Variants in GALNT13 observed in about 807,000 individuals in gnomAD.
The protein encoded by GALNT13 is polypeptide N-acetylgalactosaminyltransferase 13, also known as UDP-GalNAc:polypeptide N-acetylgalactosaminyltransferase 13.
Under a neutral mutation model 64.2 loss-of-function variants are expected in GALNT13, and 28 were observed. The ratio of observed to expected loss-of-function variants is 0.44; its 90% confidence interval spans 0.32 to 0.60. GALNT13 has a LOEUF of 0.60. Ranked by LOEUF, GALNT13 falls within the 20% of genes least tolerant of loss-of-function variation. GALNT13 has a pLI of 0.05. For synonymous variants in GALNT13, 214 were observed against 224.6 expected (o/e 0.95, Z 0.42); for missense variants, 577 against 669.8 (o/e 0.86, Z 1.53).
chr2:154,127,110 G>A (rs936938109), intron 3 of GALNT13, among the ~76,000 whole-genome samples: 1 of 152,064 alleles, frequency 6.6e-6, no homozygotes, highest in Non-Finnish European at 1.5e-5. Context: ...TTAGTTTAGT[G>A]ATGCAAGGAG....
chr2:154,152,959 T>G (rs1003899712), intron 4 of GALNT13, among the ~76,000 whole-genome samples: 4 of 152,232 alleles, frequency 2.6e-5, no homozygotes, highest in African/African-American at 9.6e-5. Context: ...TCCAGCTTTG[T>G]TCCATTGCTG....
the GALNT13 span, among the ~76,000 whole-genome samples, chr2:153,472,013 C>T: frequency 1.1e-4 from 17 of 152,144 alleles, no homozygotes; most frequent in African/African-American, 2.7e-4. Context: ...AGAATATGTG[C>T]GCATGCATCT....
At chr2:153,403,800 G>A in the GALNT13 span, among the ~76,000 whole-genome samples, 6 of 152,128 alleles carry the variant, frequency 3.9e-5, no homozygotes, top group African/African-American at 9.7e-5. Context: ...TGCACGGTGT[G>A]CTCACCCACT....
the GALNT13 span, among the ~76,000 whole-genome samples, chr2:153,669,063 GC>G: frequency 6.6e-6 from 1 of 152,140 alleles, no homozygotes; most frequent in East Asian, 1.9e-4. Context: ...TTGCAGTGAG[GC>G]CTCAGATGCC....
chr2:153,150,266 T>C, the GALNT13 span, among the ~76,000 whole-genome samples: 3 of 152,070 alleles, frequency 2.0e-5, no homozygotes, highest in African/African-American at 7.2e-5. Flanking sequence ...CCTATAAATG[T>C]CCTCTTTTGA....
the GALNT13 span, among the ~76,000 whole-genome samples, chr2:153,601,328 T>C: frequency 6.6e-6 from 1 of 151,794 alleles, no homozygotes; most frequent in Non-Finnish European, 1.5e-5. Context: ...TGGCAAAATA[T>C]TGTCTTCAGT....
the GALNT13 span, among the ~76,000 whole-genome samples, chr2:153,722,014 G>C: frequency 6.7e-6 from 1 of 148,668 alleles, no homozygotes; most frequent in South Asian, 2.1e-4. Context: ...ATTTTTTTCA[G>C]CACCACACCA....
intron 4 of GALNT13, among the ~76,000 whole-genome samples, chr2:154,178,075 C>T (rs767842900): frequency 2.6e-5 from 4 of 152,096 alleles, no homozygotes; most frequent in African/African-American, 7.2e-5. Context: ...CCACTGTCAC[C>T]GTCTTCTGTT....
At chr2:154,322,432 A>G (rs1473567799) in intron 9 of GALNT13, among the ~76,000 whole-genome samples, 1 of 151,958 alleles carries the variant, frequency 6.6e-6, no homozygotes, top group Non-Finnish European at 1.5e-5. Flanking sequence ...TGGCACTAGG[A>G]GCAAGAGCCA....
At chr2:153,322,993 T>C in the GALNT13 span, among the ~76,000 whole-genome samples, 2 of 152,184 alleles carry the variant, frequency 1.3e-5, no homozygotes, top group African/African-American at 4.8e-5. Flanking sequence ...GAATGATTTG[T>C]AATCCTTTGG....
intron 3 of GALNT13, among the ~76,000 whole-genome samples, chr2:154,025,027 T>C (rs1187714661): frequency 1.3e-5 from 2 of 152,212 alleles, no homozygotes; most frequent in Middle Eastern, 3.2e-3. Flanking sequence ...GAACCACAGA[T>C]GCTGCTGCCT....
the GALNT13 span, among the ~76,000 whole-genome samples, chr2:153,402,098 C>T: frequency 2.1e-5 from 3 of 144,062 alleles, no homozygotes; most frequent in Non-Finnish European, 4.5e-5. Flanking sequence ...GCGCTTCCTT[C>T]AGGAGCTCTT....
At chr2:154,439,134 A>G (rs907761506) in intron 12 of GALNT13, among the ~76,000 whole-genome samples, 1 of 152,224 alleles carries the variant, frequency 6.6e-6, no homozygotes, top group Non-Finnish European at 1.5e-5. Context: ...CTCAACTGGA[A>G]GGAACAATAT....
chr2:154,404,565 A>G (rs1260371445), intron 10 of GALNT13, among the ~76,000 whole-genome samples: 1 of 152,206 alleles, frequency 6.6e-6, no homozygotes. Context: ...ATAGATACTC[A>G]TGAGAAATTG....
chr2:153,778,692 T>C, the GALNT13 span, among the ~76,000 whole-genome samples: 1 of 152,224 alleles, frequency 6.6e-6, no homozygotes, highest in Non-Finnish European at 1.5e-5. Flanking sequence ...TGCTAAATAA[T>C]TCCAACTCTT....
intron 4 of GALNT13, among the ~76,000 whole-genome samples, chr2:154,231,302 A>T (rs1688901290): frequency 6.6e-6 from 1 of 152,042 alleles, no homozygotes; most frequent in Non-Finnish European, 1.5e-5. Flanking sequence ...TGCCAGTGCT[A>T]GTTGCTAAAA....
chr2:153,747,472 G>GGCTGGA, the GALNT13 span, among the ~76,000 whole-genome samples: 1 of 135,942 alleles, frequency 7.4e-6, no homozygotes, highest in African/African-American at 2.9e-5. Context: ...CTCTCGCCCA[G>GGCTGGA]GCTGGAGTGC....
At chr2:153,227,231 A>G in the GALNT13 span, among the ~76,000 whole-genome samples, 1 of 152,216 alleles carries the variant, frequency 6.6e-6, no homozygotes, top group Non-Finnish European at 1.5e-5. Flanking sequence ...CTGTCATAGC[A>G]TTGACTCAGT....
At chr2:153,838,613 C>T in the GALNT13 span, among the ~76,000 whole-genome samples, 4 of 151,864 alleles carry the variant, frequency 2.6e-5, no homozygotes, top group Non-Finnish European at 5.9e-5. Context: ...CAATTCTACT[C>T]TATTGGTGCA....
Sources: gnomAD v4.1 joint callset for allele counts (sites outside exome capture counted in the v4.1 genomes callset) on GRCh38, gnomAD v4.1.1 for gene constraint, MANE v1.5 for transcripts, NCBI Gene and HGNC (gene_info 2026-07-23, HGNC 2026-07-21) for gene names.